The following FBXL7 variants were observed in gnomAD, a reference collection of about 807,000 sequenced individuals.
FBXL7 encodes the protein F-box and leucine rich repeat protein 7.
FBXL7 carries 12 observed loss-of-function variants against 38.3 expected under a neutral mutation model. That is an observed-to-expected ratio of 0.31 (90% confidence interval 0.20 to 0.51). The LOEUF (loss-of-function observed/expected upper bound fraction) is 0.51, where lower values mean the gene tolerates loss of function less well. FBXL7 is among the 20% of genes least tolerant of loss of function. The pLI, the probability that FBXL7 is intolerant of heterozygous loss-of-function variation, is 0.98. For synonymous variants in FBXL7, 297 were observed against 300.9 expected (o/e 0.99, Z 0.13); for missense variants, 567 against 676.4 (o/e 0.84, Z 1.79).
chr5:15,824,072 G>A (rs1426069205), intron 2 of FBXL7, among the ~76,000 whole-genome samples: 1 of 152,020 alleles, frequency 6.6e-6, no homozygotes, highest in African/African-American at 2.4e-5. Flanking sequence ...GAGGTCAGGA[G>A]TTCGAGACCA....
chr5:15,632,841 C>T (rs1741045579), intron 2 of FBXL7, among the ~76,000 whole-genome samples: 1 of 152,016 alleles, frequency 6.6e-6, no homozygotes. Flanking sequence ...AAGATGGGAA[C>T]AATAGACAAT....
chr5:15,516,909 G>A (rs2126366406), intron 1 of FBXL7, among the ~76,000 whole-genome samples: 1 of 152,258 alleles, frequency 6.6e-6, no homozygotes, highest in Middle Eastern at 3.4e-3. Context: ...TGAACTGTGA[G>A]TCAGTTAAAC....
chr5:15,891,242 A>G (rs1740890813), intron 2 of FBXL7, among the ~76,000 whole-genome samples: 1 of 152,228 alleles, frequency 6.6e-6, no homozygotes, highest in South Asian at 2.1e-4. Context: ...TGCTCAAGTC[A>G]GAGATGTACC....
At chr5:15,931,099 A>G (rs1742026338) in intron 3 of FBXL7, among the ~76,000 whole-genome samples, 1 of 152,216 alleles carries the variant, frequency 6.6e-6, no homozygotes. Flanking sequence ...CTGGGAAGCT[A>G]TCTTTAAAGT....
intron 1 of FBXL7, among the ~76,000 whole-genome samples, chr5:15,533,645 A>C (rs949118370): frequency 1.1e-4 from 16 of 152,334 alleles, no homozygotes; most frequent in African/African-American, 2.9e-4. Flanking sequence ...GAGGGATCCC[A>C]GTTCCTGCGG....
At chr5:15,762,521 A>T (rs1736476653) in intron 2 of FBXL7, among the ~76,000 whole-genome samples, 1 of 152,260 alleles carries the variant, frequency 6.6e-6, no homozygotes, top group East Asian at 1.9e-4. Context: ...TTCTGTATTC[A>T]TATCCCAGCT....
intron 1 of FBXL7, among the ~76,000 whole-genome samples, chr5:15,587,059 G>A (rs941527231): frequency 6.6e-5 from 10 of 152,064 alleles, no homozygotes; most frequent in South Asian, 2.1e-4. Context: ...TCAGTGGCCC[G>A]TTCATTACTC....
At chr5:15,719,875 GAA>G (rs1294055690) in intron 2 of FBXL7, among the ~76,000 whole-genome samples, 1 of 148,724 alleles carries the variant, frequency 6.7e-6, no homozygotes, top group East Asian at 1.9e-4. Flanking sequence ...AAAGGAGAGA[GAA>G]CAACCATGAA....
intron 2 of FBXL7, among the ~76,000 whole-genome samples, chr5:15,791,488 G>C (rs1055648774): frequency 1.3e-5 from 2 of 152,150 alleles, no homozygotes; most frequent in African/African-American, 4.8e-5. Context: ...GTGCCACCTA[G>C]GGTCCAGAAA....
At chr5:15,867,059 A>G (rs541215925) in intron 2 of FBXL7, among the ~76,000 whole-genome samples, 1 of 152,286 alleles carries the variant, frequency 6.6e-6, no homozygotes, top group South Asian at 2.1e-4. Context: ...TTTCCACTCT[A>G]CATATAAATC....
At chr5:15,901,618 A>C (rs568855125) in intron 2 of FBXL7, among the ~76,000 whole-genome samples, 1 of 152,334 alleles carries the variant, frequency 6.6e-6, no homozygotes, top group South Asian at 2.1e-4. Flanking sequence ...CATTAGAACA[A>C]ACAAAAATGG....
At chr5:15,628,227 G>T (rs1740881769) in intron 2 of FBXL7, among the ~76,000 whole-genome samples, 1 of 152,168 alleles carries the variant, frequency 6.6e-6, no homozygotes, top group Admixed American at 6.5e-5. Flanking sequence ...CTTCTAAATA[G>T]TGAGACATGT....
At chr5:15,566,022 A>G (rs1179419863) in intron 1 of FBXL7, among the ~76,000 whole-genome samples, 1 of 152,126 alleles carries the variant, frequency 6.6e-6, no homozygotes. Context: ...TCACACGTGT[A>G]AAACTTTCCT....
intron 2 of FBXL7, among the ~76,000 whole-genome samples, chr5:15,761,643 A>C (rs927791765): frequency 6.6e-6 from 1 of 152,192 alleles, no homozygotes; most frequent in Non-Finnish European, 1.5e-5. Context: ...TCCTGGGCTC[A>C]GGTGATTCTC....
chr5:15,577,231 G>A (rs932453000), intron 1 of FBXL7, among the ~76,000 whole-genome samples: 5 of 152,134 alleles, frequency 3.3e-5, no homozygotes, highest in South Asian at 2.1e-4. Context: ...CTGGGTCAGC[G>A]TGGCCTCTGA....
chr5:15,650,088 T>C (rs1428571009), intron 2 of FBXL7, among the ~76,000 whole-genome samples: 1 of 152,198 alleles, frequency 6.6e-6, no homozygotes, highest in Non-Finnish European at 1.5e-5. Flanking sequence ...CACATTTCTA[T>C]CATGCTTTCT....
At chr5:15,529,163 A>G (rs1166356606) in intron 1 of FBXL7, among the ~76,000 whole-genome samples, 2 of 152,220 alleles carry the variant, frequency 1.3e-5, no homozygotes, top group Non-Finnish European at 2.9e-5. Flanking sequence ...AAGTGAGATC[A>G]TGCAATATTT....
chr5:15,695,017 G>T (rs1743291176), intron 2 of FBXL7, among the ~76,000 whole-genome samples: 1 of 152,158 alleles, frequency 6.6e-6, no homozygotes, highest in African/African-American at 2.4e-5. Context: ...ATAGGCAACA[G>T]ACCTGCTCAA....
intron 2 of FBXL7, among the ~76,000 whole-genome samples, chr5:15,747,422 C>T (rs1019191323): frequency 2.6e-5 from 4 of 152,148 alleles, no homozygotes; most frequent in African/African-American, 9.7e-5. Context: ...AAAGTTGCAT[C>T]AGGGTCCAAC....
Sources: allele counts gnomAD v4.1 joint callset (sites outside exome capture counted in the v4.1 genomes callset), GRCh38; gene constraint gnomAD v4.1.1; transcripts MANE v1.5; gene names NCBI Gene and HGNC (gene_info 2026-07-23, HGNC 2026-07-21).